The following ARMH3 variants were observed in gnomAD, a reference collection of about 807,000 sequenced individuals.
ARMH3 encodes armadillo-like helical domain-containing protein 3.
ARMH3 carries 60 observed loss-of-function variants against 99.1 expected under a neutral mutation model. That is an observed-to-expected ratio of 0.61 (90% CI 0.49 to 0.75). ARMH3 has a LOEUF of 0.75. ARMH3 is among the 30% of genes least tolerant of loss of function. ARMH3 has a pLI of 0.00. For synonymous variants in ARMH3, 285 were observed against 292.8 expected (o/e 0.97, Z 0.27); for missense variants, 679 against 843.1 (o/e 0.81, Z 2.41).
intron 23 of ARMH3, among the ~76,000 whole-genome samples, chr10:101,899,869 T>TA (rs2067932448): frequency 6.6e-6 from 1 of 152,144 alleles, no homozygotes; most frequent in South Asian, 2.1e-4. Flanking sequence ...TTAGTTAGTA[T>TA]AAAAGGCATT....
intron 20 of ARMH3, among the ~76,000 whole-genome samples, chr10:101,966,932 A>T (rs543649505): frequency 6.6e-6 from 1 of 152,146 alleles, no homozygotes; most frequent in African/African-American, 2.4e-5. Context: ...TTAATTATAA[A>T]ACCAAGTGAA....
chr10:102,005,799 A>C (rs1004365777), intron 14 of ARMH3, among the ~76,000 whole-genome samples: 5 of 152,234 alleles, frequency 3.3e-5, no homozygotes, highest in African/African-American at 1.2e-4. Context: ...GGTTCCAGCC[A>C]TAAGATTTAT....
At chr10:101,876,258 A>AC (rs965299279) in intron 24 of ARMH3, among the ~76,000 whole-genome samples, 3 of 151,504 alleles carry the variant, frequency 2.0e-5, no homozygotes, top group African/African-American at 7.3e-5. Context: ...AAAAAAAAAA[A>AC]AAAAAAAAAA....
chr10:101,880,608 G>C (rs762972264), intron 24 of ARMH3, among the ~76,000 whole-genome samples: 1 of 152,016 alleles, frequency 6.6e-6, no homozygotes, highest in Non-Finnish European at 1.5e-5. Flanking sequence ...CATTCACACC[G>C]AACACTACCA....
At chr10:101,915,717 C>T (rs939134075) in intron 23 of ARMH3, among the ~76,000 whole-genome samples, 1 of 152,110 alleles carries the variant, frequency 6.6e-6, no homozygotes, top group African/African-American at 2.4e-5. Flanking sequence ...AGCTTTCTGC[C>T]CCAGTCTAAG....
In ARMH3 at chr10:101,849,760, G is replaced by A; in HGVS notation, c.1977+16C>T. Reference sequence around the variant, plus strand: ...GCGGGCCCCTAAGACACAGGCAGAGGCGGTGGGGCACTCACCAGCTCTTTG... The same window carrying A: ...GCGGGCCCCTAAGACACAGGCAGAGACGGTGGGGCACTCACCAGCTCTTTG... On this transcript the variant is annotated intron_variant, in intron 25 of 25. Transcript: ENST00000370033. The A allele has an allele frequency of 2.5e-6, 4 of 1,607,268 alleles. No individual in the cohort carries two copies. The highest frequency in any genetic ancestry group is 3.4e-6 in the Non-Finnish European group (4 of 1,174,102).
Position 101,871,782 on chromosome 10 carries a change from C to T in ARMH3, c.1860+17630G>A, listed in dbSNP as rs1313974572. Among the ~76,000 whole-genome samples, 3 of 152,124 alleles carry T rather than the reference C, an allele frequency of 2.0e-5. No individual in the cohort carries two copies. The East Asian group carries it at 5.8e-4, about 29-fold the overall frequency. On this transcript the variant is annotated intron_variant, in intron 24 of 25. Coordinates refer to ENST00000370033, the MANE Select transcript of ARMH3 (RefSeq NM_024541.3). ...TTGGGAGGCCGAGGTGGGTGGAACA[C>T]TTGAGGCCAGGAGTTCAAGACCAGC...
chr10:102,050,668 G>A (rs539083803), intron 1 of ARMH3, among the ~76,000 whole-genome samples: 1 of 151,050 alleles, frequency 6.6e-6, no homozygotes, highest in Non-Finnish European at 1.5e-5. Flanking sequence ...AACCAGCCTG[G>A]CCAACATGGT....
chr10:101,888,113 GT>G (rs2067598226), intron 24 of ARMH3, among the ~76,000 whole-genome samples: 1 of 145,618 alleles, frequency 6.9e-6, no homozygotes. Context: ...AGAGCTCACT[GT>G]GGTAGGAAAG....
intron 2 of ARMH3, among the ~76,000 whole-genome samples, chr10:102,035,974 G>C (rs2067248009): frequency 6.6e-6 from 1 of 151,384 alleles, no homozygotes; most frequent in Admixed American, 6.6e-5. Context: ...TCTCTGCCCA[G>C]CCGCCCATCG....
rs192444166 is a variant in ARMH3 at position 101,852,006 on chromosome 10, C to G, written c.1861-2114G>C. Among the ~76,000 whole-genome samples, 179 of 145,010 alleles carry G rather than the reference C, an allele frequency of 1.2e-3. 2 individuals are homozygous for G. The highest frequency in any genetic ancestry group is 0.011 in the East Asian group (53 of 4,836). On this transcript the variant is annotated intron_variant, in intron 24 of 25. Coordinates refer to ENST00000370033, the MANE Select transcript of ARMH3 (RefSeq NM_024541.3). ...AAGGTCTTGGCTCAGAAGTGAATGG[C>G]TCAAGCCCAGAAAAAGGCAAAATTC...
chr10:101,938,117 C>G (rs956666594), intron 23 of ARMH3, among the ~76,000 whole-genome samples: 1 of 152,234 alleles, frequency 6.6e-6, no homozygotes, highest in Non-Finnish European at 1.5e-5. Flanking sequence ...GATCCTCCCA[C>G]CTCTGCCTCC....
At chr10:101,911,592 A>C (rs1227204324) in intron 23 of ARMH3, among the ~76,000 whole-genome samples, 2 of 152,186 alleles carry the variant, frequency 1.3e-5, no homozygotes, top group East Asian at 1.9e-4. Context: ...GTAGCTGGGC[A>C]TGGTGGTATG....
At chr10:102,018,594 C>T (rs2066803895) in intron 8 of ARMH3, among the ~76,000 whole-genome samples, 1 of 152,188 alleles carries the variant, frequency 6.6e-6, no homozygotes, top group South Asian at 2.1e-4. Context: ...GCATTCATTA[C>T]TCACATATTT....
intron 19 of ARMH3, among the ~76,000 whole-genome samples, chr10:101,982,496 T>C (rs1846279685): frequency 6.6e-6 from 1 of 152,128 alleles, no homozygotes; most frequent in Non-Finnish European, 1.5e-5. Flanking sequence ...TAAACTAACC[T>C]TGTGATATTG....
intron 25 of ARMH3, among the ~76,000 whole-genome samples, chr10:101,849,100 G>A (rs1047553784): frequency 6.6e-6 from 1 of 152,202 alleles, no homozygotes; most frequent in Non-Finnish European, 1.5e-5. Flanking sequence ...AAGGACAGGG[G>A]AAGTGGGTAC....
intron 20 of ARMH3, among the ~76,000 whole-genome samples, chr10:101,962,253 C>G (rs977667738): frequency 6.6e-6 from 1 of 152,166 alleles, no homozygotes; most frequent in African/African-American, 2.4e-5. Context: ...CCCATGGGCC[C>G]ATACTCCACA....
chr10:101,988,505 G>C (rs943071923), intron 19 of ARMH3, among the ~76,000 whole-genome samples: 1 of 152,122 alleles, frequency 6.6e-6, no homozygotes, highest in Non-Finnish European at 1.5e-5. Context: ...TAAAGGATCA[G>C]ACTTACTTCT....
intron 23 of ARMH3, among the ~76,000 whole-genome samples, chr10:101,923,757 T>C (rs1241087358): frequency 6.6e-6 from 1 of 152,244 alleles, no homozygotes; most frequent in Non-Finnish European, 1.5e-5. Context: ...AATCCCTCTG[T>C]TGCGGTTTTG....
Sources: gnomAD v4.1 joint callset for allele counts (sites outside exome capture counted in the v4.1 genomes callset) on GRCh38, gnomAD v4.1.1 for gene constraint, MANE v1.5 for transcripts, NCBI Gene and HGNC (gene_info 2026-07-23, HGNC 2026-07-21) for gene names.